Variants in RAI1 observed in about 807,000 individuals in gnomAD.
The protein encoded by RAI1 is retinoic acid induced 1, also known as retinoic acid-induced protein 1.
Under a neutral mutation model 123.8 loss-of-function variants are expected in RAI1, and 9 were observed. The ratio of observed to expected loss-of-function variants is 0.07; its 90% CI spans 0.04 to 0.13. RAI1 has a LOEUF of 0.13. Ranked by LOEUF, RAI1 falls within the 10% of genes least tolerant of loss-of-function variation. The pLI is 1.00. For synonymous variants in RAI1, 1,231 were observed against 1,127.3 expected (o/e 1.09, Z -1.84); for missense variants, 2,256 against 2,545.8 (o/e 0.89, Z 2.45).
rs1304208324 is a variant in RAI1 at position 17,792,644 on chromosome 17, G to A, written c.-16-289G>A. Among the ~76,000 whole-genome samples, 3 of 152,064 alleles carry A rather than the reference G, an allele frequency of 2.0e-5. No homozygotes were observed. In the East Asian group the frequency reaches 5.8e-4, roughly 29 times the overall value. ...AGCCGGTTTTGCCTCCCGCATCAGT[G>A]GCCGTCCTTGGCAAGACTCAGCTGC... On this transcript the variant is annotated intron_variant, in intron 2 of 5. Coordinates refer to ENST00000353383, the MANE Select transcript of RAI1 (RefSeq NM_030665.4).
At chr17:17,751,726 T>A (rs568225342) in intron 2 of RAI1, among the ~76,000 whole-genome samples, 1 of 152,262 alleles carries the variant, frequency 6.6e-6, no homozygotes, top group Admixed American at 6.5e-5. Flanking sequence ...GGCCGATTCC[T>A]CCTTCTCCTT....
intron 4 of RAI1, 100 bp downstream of exon 4, chr17:17,803,949 CT>C (rs747033437): frequency 8.8e-7 from 1 of 1,137,490 alleles, no homozygotes; most frequent in African/African-American, 1.5e-5. Flanking sequence ...CCCCATCTCA[CT>C]CTTCAGTTTC....
chr17:17,802,304 C>T, intron 3 of RAI1: 1 of 402,214 alleles, frequency 2.5e-6, no homozygotes, highest in Non-Finnish European at 5.1e-6. Flanking sequence ...GAGAGCTGGT[C>T]CCCTGGAGGG....
chr17:17,683,862 C>T (rs1914530105), intron 1 of RAI1: 1 of 152,150 alleles, frequency 6.6e-6, no homozygotes, highest in Admixed American at 6.5e-5. Flanking sequence ...TAGGCAGGGA[C>T]CCTGTCTTAC....
At chr17:17,779,524 T>G (rs2031482996) in intron 2 of RAI1, 1 of 155,346 alleles carries the variant, frequency 6.4e-6, no homozygotes, top group African/African-American at 2.4e-5. Context: ...AGGCCCTGAG[T>G]GAATTTTTTT....
chr17:17,806,019 A>G (rs193299787), intron 4 of RAI1, among the ~76,000 whole-genome samples: 41 of 152,232 alleles, frequency 2.7e-4, no homozygotes, highest in Middle Eastern at 3.4e-3. Flanking sequence ...TCCATGTCCT[A>G]TGTTCTTTCT....
intron 1 of RAI1, among the ~76,000 whole-genome samples, chr17:17,701,532 T>G (rs185376399): frequency 2.2e-4 from 33 of 152,300 alleles, no homozygotes; most frequent in Admixed American, 2.2e-3. Context: ...AGACCGCTCA[T>G]GCAGTTTTTA....
Position 17,809,747 on chromosome 17 carries a change from CGGG to C in RAI1, c.5710-220_5710-218del, listed in dbSNP as rs1567941747. On this transcript the variant is annotated intron_variant, in intron 5 of 5. Transcript: ENST00000353383. This position sits in a 1 kb window ranked among gnomAD's most constrained non-coding sequence, Gnocchi z 4.9. ...AAGATAGGTGACAGAGTGGGGCAGG[CGGG>C]GGCGCGGGACGGTGGCACGGAGCTG... Among the ~76,000 whole-genome samples, 1 of 152,050 alleles carries C rather than the reference CGGG, an allele frequency of 6.6e-6. No homozygotes were observed. Among genetic ancestry groups the C allele is most frequent in the Non-Finnish European group, 1.5e-5 (1 of 67,980 alleles).
chr17:17,693,953 A>C (rs1352462434), intron 1 of RAI1, among the ~76,000 whole-genome samples: 1 of 152,124 alleles, frequency 6.6e-6, no homozygotes, highest in African/African-American at 2.4e-5. Flanking sequence ...TCCTTAACAG[A>C]TCTGGGCTTG....
Position 17,796,868 on chromosome 17 carries a change from G to A in RAI1, c.3920G>A (p.Arg1307Gln), listed in dbSNP as rs369260099. ...GATGCCTGCCTCAAGCTCGCCTCTC[G>A]GGCAGCCTTCCAGGGGGCCATGAAG... ...TPDACLKLAS[R>Q]AAFQGAMKTK... Residue 1307 changes from arginine to glutamine, a missense_variant, in exon 3 of 6, where the codon CGG (arginine) becomes CAG (glutamine). Physicochemically the swap from Arg to Gln is conservative, Grantham distance 43. Transcript: ENST00000353383. The surrounding 1 kb of genome is among the most constrained non-coding windows in gnomAD (Gnocchi z 5.8). 87 of 1,612,976 alleles carry A rather than the reference G, an allele frequency of 5.4e-5. 1 individual carries two copies. The highest frequency in any genetic ancestry group is 1.6e-4 in the Middle Eastern group (1 of 6,062).
At chr17:17,737,423 T>A (rs896461723) in intron 2 of RAI1, among the ~76,000 whole-genome samples, 2 of 152,128 alleles carry the variant, frequency 1.3e-5, no homozygotes, top group African/African-American at 4.8e-5. Flanking sequence ...TGCCACCCCC[T>A]GGCCCAAAAC....
chr17:17,739,928 C>T (rs1047668881), intron 2 of RAI1, among the ~76,000 whole-genome samples: 2 of 152,218 alleles, frequency 1.3e-5, no homozygotes, highest in Admixed American at 1.3e-4. Context: ...TTCCCCCAAG[C>T]ACATACAGCC....
At chr17:17,736,235 G>A (rs779899504) in intron 2 of RAI1, among the ~76,000 whole-genome samples, 15 of 152,110 alleles carry the variant, frequency 9.9e-5, no homozygotes, top group South Asian at 2.1e-4. Context: ...GACCCCCACC[G>A]CCTCTGTCCT....
chr17:17,712,032 G>A (rs1470349844), intron 1 of RAI1, among the ~76,000 whole-genome samples: 3 of 152,230 alleles, frequency 2.0e-5, no homozygotes, highest in Non-Finnish European at 2.9e-5. Context: ...TGCTGGCTCC[G>A]TTAACAAAAG....
chr17:17,684,022 C>G (rs1212476653), intron 1 of RAI1: 3 of 152,134 alleles, frequency 2.0e-5, no homozygotes, highest in Non-Finnish European at 4.4e-5. Flanking sequence ...CACAGGCGCC[C>G]GACACCACAC....
intron 1 of RAI1, among the ~76,000 whole-genome samples, chr17:17,723,482 C>T (rs980342369): frequency 3.3e-5 from 5 of 151,736 alleles, no homozygotes; most frequent in African/African-American, 4.8e-5. Flanking sequence ...AAAGCGTTCC[C>T]TCCCTCCCCT....
intron 1 of RAI1, among the ~76,000 whole-genome samples, chr17:17,706,313 C>T (rs951122428): frequency 1.3e-5 from 2 of 152,120 alleles, no homozygotes; most frequent in African/African-American, 2.4e-5. Flanking sequence ...GGGATGGGAC[C>T]GTGTAGTGGC....
At chr17:17,739,785 G>A (rs1279590525) in intron 2 of RAI1, among the ~76,000 whole-genome samples, 1 of 152,206 alleles carries the variant, frequency 6.6e-6, no homozygotes, top group Non-Finnish European at 1.5e-5. Context: ...GGTGGTGAGA[G>A]TGGTCCTGGA....
Position 17,714,079 on chromosome 17 carries a change from C to T in RAI1, c.-148-9949C>T, listed in dbSNP as rs1028378341. 8.5e-5 allele frequency among the ~76,000 whole-genome samples: 13 copies of T among 152,122 alleles called. No homozygotes were observed. The highest frequency in any genetic ancestry group is 1.8e-4 in the Non-Finnish European group (12 of 68,032). The stretch of plus-strand genomic sequence containing the variant: ...CCTGTTCTGCTTGCATGCCTTCAGC[C>T]GCAGGTTGCTCACCACCTCCCGAGC... On this transcript the variant is annotated intron_variant, in intron 1 of 5. Transcript: ENST00000353383. This position sits in a 1 kb window ranked among gnomAD's most constrained non-coding sequence, Gnocchi z 4.9.
Sources: gnomAD v4.1 joint callset for allele counts (sites outside exome capture counted in the v4.1 genomes callset) on GRCh38, gnomAD v4.1.1 for gene constraint, Gnocchi (gnomAD v3.1) non-coding constraint, MANE v1.5 for transcripts, NCBI Gene and HGNC (gene_info 2026-07-23, HGNC 2026-07-21) for gene names.